Variants in DCBLD2 observed in about 807,000 individuals in gnomAD.
DCBLD2 encodes discoidin, CUB and LCCL domain-containing protein 2.
Under a neutral mutation model 86.8 loss-of-function variants are expected in DCBLD2, and 54 were observed. The observed-to-expected ratio is 0.62, with a 90% CI of 0.50 to 0.78. The LOEUF (loss-of-function observed/expected upper bound fraction) is 0.78. DCBLD2 is among the 30% of genes least tolerant of loss of function. The pLI, the probability that DCBLD2 is intolerant of heterozygous loss-of-function variation, is 0.00. For synonymous variants in DCBLD2, 354 were observed against 341.3 expected, an observed-to-expected ratio of 1.04 and a Z score of -0.41; for missense variants, 908 against 954.2, an observed-to-expected ratio of 0.95 and a Z score of 0.64.
intron 3 of DCBLD2, among the ~76,000 whole-genome samples, chr3:98,831,371 C>T (rs1942319854): frequency 6.6e-6 from 1 of 152,048 alleles, no homozygotes; most frequent in African/African-American, 2.4e-5. Flanking sequence ...CTTTATTAAT[C>T]TAGCTAGTGG....
At chr3:98,898,058 C>T (rs1032815758) in intron 1 of DCBLD2, among the ~76,000 whole-genome samples, 1 of 151,890 alleles carries the variant, frequency 6.6e-6, no homozygotes, top group Non-Finnish European at 1.5e-5. Context: ...AAAAAGATTT[C>T]GAAGACCAAC....
chr3:98,866,911 A>G lies in DCBLD2; in HGVS notation c.433+14629T>C, dbSNP rs187049531. 5.3e-3 allele frequency among the ~76,000 whole-genome samples: 806 copies of G among 152,334 alleles called. 6 individuals carry two copies. Among genetic ancestry groups the G allele is most frequent in the African/African-American group, 0.018 (760 of 41,576 alleles). Reference sequence around the variant, plus strand: ...AGGTGTAAGGAAGGGATCCAGTTTCAGCTTTTTACATATGGCTAGCCAGTT... The same window carrying G: ...AGGTGTAAGGAAGGGATCCAGTTTCGGCTTTTTACATATGGCTAGCCAGTT... On this transcript the variant is annotated intron_variant, in intron 2 of 15. Coordinates refer to ENST00000326840, the MANE Select transcript of DCBLD2 (RefSeq NM_080927.4).
intron 1 of DCBLD2, among the ~76,000 whole-genome samples, chr3:98,899,292 C>T (rs1385802425): frequency 7.3e-6 from 1 of 137,178 alleles, no homozygotes; most frequent in African/African-American, 2.7e-5. Context: ...GACAGTCTCG[C>T]TCTGTCGCCA....
At chr3:98,819,763 G>A (rs1942085603) in intron 7 of DCBLD2, among the ~76,000 whole-genome samples, 2 of 152,142 alleles carry the variant, frequency 1.3e-5, no homozygotes, top group African/African-American at 4.8e-5. Flanking sequence ...TCCCTGGGAG[G>A]AAGGCCCTTC....
At chr3:98,887,013 C>T (rs1299994927) in intron 1 of DCBLD2, among the ~76,000 whole-genome samples, 1 of 151,766 alleles carries the variant, frequency 6.6e-6, no homozygotes, top group Non-Finnish European at 1.5e-5. Flanking sequence ...AGATTTTAGC[C>T]ATATCACTAC....
At chr3:98,827,494 G>A (rs866828364) in intron 3 of DCBLD2, among the ~76,000 whole-genome samples, 6 of 152,192 alleles carry the variant, frequency 3.9e-5, no homozygotes, top group Non-Finnish European at 8.8e-5. Context: ...GGCTTTGGTT[G>A]TAAGTGCATG....
At chr3:98,838,143 G>T (rs1942515742) in intron 3 of DCBLD2, among the ~76,000 whole-genome samples, 1 of 119,240 alleles carries the variant, frequency 8.4e-6, no homozygotes, top group African/African-American at 3.2e-5. Flanking sequence ...CGGGCGGGGG[G>T]CTGACCCCCC....
At chr3:98,870,071 T>C (rs1174134559) in intron 2 of DCBLD2, among the ~76,000 whole-genome samples, 3 of 152,122 alleles carry the variant, frequency 2.0e-5, no homozygotes, top group African/African-American at 4.8e-5. Context: ...TCAGAGCAAA[T>C]GGGGAAAGGG....
At position 98,797,048 on chromosome 3, in the gene DCBLD2, A is replaced by C. The variant is rs1256900049; in HGVS notation, c.*2324T>G. 1 of 151,914 alleles carries C rather than the reference A, an allele frequency of 6.6e-6. No individual in the cohort carries two copies. Among genetic ancestry groups the C allele is most frequent in the African/African-American group, 2.4e-5 (1 of 41,258 alleles). 9.4% of individuals were successfully genotyped at this position (151,914 alleles called of 1,614,324 possible). ...CATATAAATGTAGTAAAAAAAAAAA[A>C]AAAAAAAATAGAAAACCTCTACTAT... is the stretch of plus-strand genomic sequence containing the variant. On this transcript the variant is annotated 3_prime_UTR_variant, in exon 16 of 16. Coordinates refer to ENST00000326840, the MANE Select transcript of DCBLD2 (RefSeq NM_080927.4).
rs1943471563 is a variant in DCBLD2, at chr3:98,881,633, T to G, written c.340A>C (p.Lys114Gln). ...RVKMGERVRI[K>Q]FGDFDIEDSD... is the part of the protein sequence containing the mutation. ...TCTTCAATGTCAAAGTCACCAAATT[T>G]GATGCGAACTCTCTCTCCCATCTTT... The change falls in exon 2 of 16, where the codon AAA (lysine) becomes CAA (glutamine). Residue 114 changes from lysine to glutamine, a missense_variant. Physicochemically the swap from Lys to Gln is moderately conservative, Grantham distance 53 (BLOSUM62 1). This residue lies in a region of DCBLD2 where 294 missense variants were observed against 256.0 expected (regional missense o/e 1.15). Transcript: ENST00000326840. The G allele has an allele frequency of 6.2e-7, 1 of 1,613,996 alleles. No homozygotes were observed. The highest frequency in any genetic ancestry group is 2.2e-5 in the East Asian group (1 of 44,872).
chr3:98,885,780 A>C (rs1469775555), intron 1 of DCBLD2, among the ~76,000 whole-genome samples: 2 of 151,956 alleles, frequency 1.3e-5, no homozygotes, highest in African/African-American at 4.8e-5. Context: ...GTGATTCTCA[A>C]AAGGTGGGTT....
At chr3:98,870,806 A>AAAGAAAGGAAGAAAGAAAGG (rs1559794682) in intron 2 of DCBLD2, among the ~76,000 whole-genome samples, 2 of 123,300 alleles carry the variant, frequency 1.6e-5, no homozygotes, top group South Asian at 2.7e-4. Flanking sequence ...AGAAAGAAAG[A>AAAGAAAGGAAGAAAGAAAGG]AAGAAAGGTA....
intron 2 of DCBLD2, among the ~76,000 whole-genome samples, chr3:98,878,317 G>T (rs6805362): frequency 1.3e-5 from 2 of 152,056 alleles, no homozygotes; most frequent in Admixed American, 1.3e-4. Flanking sequence ...CGCATCTGTG[G>T]TATTCTTGCC....
At chr3:98,867,802 TTTTTG>T (rs1943182559) in intron 2 of DCBLD2, among the ~76,000 whole-genome samples, 1 of 149,730 alleles carries the variant, frequency 6.7e-6, no homozygotes, top group African/African-American at 2.5e-5. Context: ...TTTTTGTTGT[TTTTTG>T]TTTTTTTTTT....
chr3:98,798,107 A>C lies in DCBLD2; in HGVS notation c.*1265T>G, dbSNP rs1036111346. 2.6e-5 allele frequency: 4 copies of C among 152,224 alleles called. No homozygotes were observed. Among genetic ancestry groups the C allele is most frequent in the African/African-American group, 7.2e-5 (3 of 41,450 alleles). The allele number at this position is 152,224 out of a possible 1,614,324, so 9.4% of individuals were successfully genotyped here. A position where few individuals can be genotyped will look rare whatever the true frequency, so the allele number is the denominator to read the frequency against. ...GACATGGAAGCTGCCAGGAGGTATCAAAAACAAGGCATGAATATTCATTTG... is the reference window on the plus strand; with the variant it reads ...GACATGGAAGCTGCCAGGAGGTATCCAAAACAAGGCATGAATATTCATTTG... On this transcript the variant is annotated 3_prime_UTR_variant, in exon 16 of 16. Coordinates refer to ENST00000326840, the MANE Select transcript of DCBLD2 (RefSeq NM_080927.4).
At chr3:98,887,064 G>C (rs920740544) in intron 1 of DCBLD2, among the ~76,000 whole-genome samples, 6 of 151,786 alleles carry the variant, frequency 4.0e-5, no homozygotes, top group Non-Finnish European at 7.4e-5. Context: ...ATGCATTACT[G>C]AATTTTAATA....
At chr3:98,847,287 A>G (rs1942744075) in intron 3 of DCBLD2, among the ~76,000 whole-genome samples, 1 of 152,216 alleles carries the variant, frequency 6.6e-6, no homozygotes, top group African/African-American at 2.4e-5. Context: ...TGGTGAAATG[A>G]CTGGCCAGAG....
intron 3 of DCBLD2, among the ~76,000 whole-genome samples, chr3:98,842,902 C>T (rs1372061513): frequency 6.6e-6 from 1 of 152,122 alleles, no homozygotes. Flanking sequence ...GATAGAGCCA[C>T]TGTACAGCAC....
At chr3:98,864,646 T>C (rs774918227) in intron 2 of DCBLD2, among the ~76,000 whole-genome samples, 62 of 152,204 alleles carry the variant, frequency 4.1e-4, no homozygotes, top group Non-Finnish European at 6.8e-4. Context: ...TAGGTGGGAA[T>C]TGAACAATGA....
Sources: gnomAD v4.1 joint callset for allele counts (sites outside exome capture counted in the v4.1 genomes callset) on GRCh38, gnomAD v4.1.1 for gene constraint, gnomAD v4.1.1 regional missense constraint, MANE v1.5 for transcripts, NCBI Gene and HGNC (gene_info 2026-07-23, HGNC 2026-07-21) for gene names.